Variants in NRCAM observed in about 807,000 individuals in gnomAD.
NRCAM encodes the protein NgCAM-related cell adhesion molecule.
Under a neutral mutation model 156.5 loss-of-function variants are expected in NRCAM, and 83 were observed. The observed-to-expected ratio is 0.53, with a 90% CI of 0.44 to 0.64. The LOEUF (loss-of-function observed/expected upper bound fraction) is 0.64, where lower values mean the gene tolerates loss of function less well. Among genes scored for constraint, NRCAM ranks in the 30% least tolerant of loss-of-function variants. NRCAM has a pLI of 0.00. For missense variants in NRCAM, 1,417 were observed against 1,597.3 expected, an observed-to-expected ratio of 0.89 and a Z score of 1.92; for synonymous variants, 538 against 563.9, an observed-to-expected ratio of 0.95 and a Z score of 0.65.
intron 3 of NRCAM, among the ~76,000 whole-genome samples, chr7:108,244,322 C>T (rs1258534723): frequency 6.6e-6 from 1 of 152,148 alleles, no homozygotes; most frequent in Non-Finnish European, 1.5e-5. Flanking sequence ...CTAACTATTG[C>T]TCTGATGCCT....
At chr7:108,328,069 GACAA>G (rs992803723) in intron 2 of NRCAM, among the ~76,000 whole-genome samples, 4 of 152,238 alleles carry the variant, frequency 2.6e-5, no homozygotes, top group South Asian at 2.1e-4. Context: ...GTACCCTGAT[GACAA>G]ACAAACATAC....
intron 30 of NRCAM, among the ~76,000 whole-genome samples, chr7:108,164,956 T>C (rs2052886569): frequency 6.6e-6 from 1 of 152,180 alleles, no homozygotes; most frequent in Non-Finnish European, 1.5e-5. Flanking sequence ...CTAAAGGAGT[T>C]GTCTTTTGTC....
At position 108,247,252 on chromosome 7, in the gene NRCAM, G is replaced by A. The variant is rs566564963; in HGVS notation, c.-106-7082C>T. Among the ~76,000 whole-genome samples the A allele has an allele frequency of 6.1e-4, 93 of 152,264 alleles. 1 individual carries two copies. The highest frequency in any genetic ancestry group is 2.2e-3 in the African/African-American group (90 of 41,548). On this transcript the variant is annotated intron_variant, in intron 3 of 32. Coordinates refer to ENST00000379028, the MANE Select transcript of NRCAM (RefSeq NM_001037132.4). ...GTTTATTATATAGCCATAGATATCT[G>A]CAATAATGAATTAAGATAAACTGAG...
chr7:108,368,224 A>ACCCCCCCCCCCCC, intron 2 of NRCAM, among the ~76,000 whole-genome samples: 264 of 90,956 alleles, frequency 2.9e-3, no homozygotes, highest in African/African-American at 4.3e-3. Context: ...ACACTTTCAT[A>ACCCCCCCCCCCCC]CCCCCCCCCA....
chr7:108,268,636 T>TGG (rs1300340254), intron 3 of NRCAM, among the ~76,000 whole-genome samples: 8 of 8,490 alleles, frequency 9.4e-4, no homozygotes, highest in African/African-American at 1.9e-3. Flanking sequence ...GGGGGGGGGT[T>TGG]GGGGGGGGCG....
intron 23 of NRCAM, 101 bp downstream of exon 23, chr7:108,182,594 G>T: frequency 1.0e-6 from 1 of 980,768 alleles, no homozygotes; most frequent in East Asian, 2.6e-5. Context: ...CAAAATAATT[G>T]CCACCTCCCT....
chr7:108,244,680 A>G lies in NRCAM; in HGVS notation c.-106-4510T>C, dbSNP rs115395339. Among the ~76,000 whole-genome samples, 137 of 152,320 alleles carry G rather than the reference A, an allele frequency of 9.0e-4. 1 individual carries two copies. The highest frequency in any genetic ancestry group is 3.2e-3 in the African/African-American group (133 of 41,566). On this transcript the variant is annotated intron_variant, in intron 3 of 32. Transcript: ENST00000379028. ...CTATAGAGATGATAATGATCAAACA[A>G]GACAAACTGTGAGAAGCTTTAAGGA...
intron 3 of NRCAM, among the ~76,000 whole-genome samples, chr7:108,311,096 C>T (rs572559598): frequency 6.6e-6 from 1 of 152,306 alleles, no homozygotes; most frequent in East Asian, 1.9e-4. Context: ...TGTACTTCCT[C>T]ACAGTGGCCG....
At chr7:108,397,768 A>G (rs1166524189) in intron 2 of NRCAM, among the ~76,000 whole-genome samples, 1 of 152,248 alleles carries the variant, frequency 6.6e-6, no homozygotes. Context: ...GGAGAATAGC[A>G]CTGGCTTGTT....
At chr7:108,296,597 T>C (rs1324525154) in intron 3 of NRCAM, among the ~76,000 whole-genome samples, 1 of 151,870 alleles carries the variant, frequency 6.6e-6, no homozygotes, top group Non-Finnish European at 1.5e-5. Context: ...GGGAGGGGGA[T>C]TGTAGGGGGT....
chr7:108,197,906 C>G, intron 14 of NRCAM, 50 bp downstream of exon 14: 1 of 1,427,490 alleles, frequency 7.0e-7, no homozygotes, highest in African/African-American at 1.4e-5. Flanking sequence ...CAGAAAATAA[C>G]AGCAGTCATT....
chr7:108,342,904 C>T (rs2099309175), intron 2 of NRCAM, among the ~76,000 whole-genome samples: 2 of 152,212 alleles, frequency 1.3e-5, no homozygotes, highest in Non-Finnish European at 2.9e-5. Context: ...ATATCAGGCT[C>T]TACTGCTTGA....
At chr7:108,375,675 T>C (rs921212740) in intron 2 of NRCAM, among the ~76,000 whole-genome samples, 39 of 152,202 alleles carry the variant, frequency 2.6e-4, no homozygotes, top group African/African-American at 8.9e-4. Context: ...GGGTTCTATG[T>C]TAATCTTATA....
chr7:108,191,791 T>A lies in NRCAM; in HGVS notation c.1841A>T (p.Tyr614Phe), dbSNP rs1489342906. ...CAGAGTGGTGTTGGCCACACACGTG[T>A]AGGTCCCGCTGTCATCGTCACTGAC... Reference protein sequence around the residue: ...ADVSDDDSGTYTCVANTTLDS... With the variant: ...ADVSDDDSGTFTCVANTTLDS... The change falls in exon 18 of 33, where the codon TAC becomes TTC. Residue 614 changes from tyrosine to phenylalanine, a missense_variant. Around this residue, in one of 2 missense-constraint regions of NRCAM, gnomAD observed 1,238 missense variants for 1,336.4 expected, o/e 0.93. Coordinates refer to ENST00000379028, the MANE Select transcript of NRCAM (RefSeq NM_001037132.4). 2 of 1,614,008 alleles carry A rather than the reference T, an allele frequency of 1.2e-6. No individual in the cohort carries two copies. The highest frequency in any genetic ancestry group is 1.3e-5 in the African/African-American group (1 of 75,064).
chr7:108,327,021 CCAAA>C (rs1225889774), intron 2 of NRCAM, among the ~76,000 whole-genome samples: 1 of 152,194 alleles, frequency 6.6e-6, no homozygotes, highest in Non-Finnish European at 1.5e-5. Context: ...CACTTTCCAA[CCAAA>C]CAGTCTTTGA....
At chr7:108,193,077 C>T (rs1255232833) in intron 17 of NRCAM, among the ~76,000 whole-genome samples, 1 of 152,158 alleles carries the variant, frequency 6.6e-6, no homozygotes, top group Non-Finnish European at 1.5e-5. Flanking sequence ...GGCTGGAGTG[C>T]AGTGGTACAG....
At position 108,240,006 on chromosome 7, in the gene NRCAM, A is replaced by G; in HGVS notation, c.59T>C (p.Ile20Thr). The change falls in exon 4 of 33, where the codon ATT becomes ACT. Residue 20 changes from isoleucine (I) to threonine (T), a missense_variant. By Grantham distance (89) the Ile-to-Thr change is moderately conservative (BLOSUM62 -1). Coordinates refer to ENST00000379028, the MANE Select transcript of NRCAM (RefSeq NM_001037132.4). ...KRLSAGRVPL[I>T]LFLCQMISAL... is the part of the protein sequence containing the mutation. Reference sequence around the variant, plus strand: ...ACTAATCATCTGGCACAGGAAGAGAATCAGGGGCACTCTGCCCGCAGATAA... The same window carrying G: ...ACTAATCATCTGGCACAGGAAGAGAGTCAGGGGCACTCTGCCCGCAGATAA... The G allele has an allele frequency of 6.2e-7, 1 of 1,613,428 alleles. No homozygotes were observed. The highest frequency in any genetic ancestry group is 8.5e-7 in the Non-Finnish European group (1 of 1,179,502).
rs1294302185 is a variant in NRCAM, at chr7:108,193,339, G to A, written c.1778+685C>T. On this transcript the variant is annotated intron_variant, in intron 17 of 32. Transcript: ENST00000379028. ...TAGGCACCACAATTTTAGGTCAGCT[G>A]TAGGTGAACCACACAAATGATTTCG... 2.0e-5 allele frequency among the ~76,000 whole-genome samples: 3 copies of A among 152,246 alleles called. No individual in the cohort carries two copies. The East Asian group carries it at 5.8e-4, about 29-fold the overall frequency.
chr7:108,182,623 G>T, intron 23 of NRCAM, 72 bp downstream of exon 23: 1 of 1,383,996 alleles, frequency 7.2e-7, no homozygotes, highest in East Asian at 2.3e-5. Flanking sequence ...ACCTGAGCAA[G>T]GAGAAATGGC....
Sources: allele counts gnomAD v4.1 joint callset (sites outside exome capture counted in the v4.1 genomes callset), GRCh38; gene constraint gnomAD v4.1.1; regional missense constraint gnomAD v4.1.1; transcripts MANE v1.5; gene names NCBI Gene and HGNC (gene_info 2026-07-23, HGNC 2026-07-21).